PPP2R1B: variants seen among roughly 807,000 people sequenced by gnomAD.
The protein encoded by PPP2R1B is protein phosphatase 2 scaffold subunit Abeta.
A neutral mutation model predicts 72.7 loss-of-function variants in PPP2R1B; 58 were observed. That is an observed-to-expected ratio of 0.80 (90% CI 0.65 to 0.99). The LOEUF (loss-of-function observed/expected upper bound fraction) is 0.99, where lower values mean the gene tolerates loss of function less well. Ranked by LOEUF, PPP2R1B falls within the 50% of genes least tolerant of loss-of-function variation. The pLI, the probability that PPP2R1B is intolerant of heterozygous loss-of-function variation, is 0.00. For synonymous variants in PPP2R1B, 256 were observed against 264.6 expected, an observed-to-expected ratio of 0.97 and a Z score of 0.32; for missense variants, 695 against 733.6, an observed-to-expected ratio of 0.95 and a Z score of 0.61.
Position 111,760,328 on chromosome 11 carries a change from G to A in PPP2R1B, c.540-377C>T, listed in dbSNP as rs530645149. 2.3e-4 allele frequency among the ~76,000 whole-genome samples: 35 copies of A among 152,092 alleles called. No homozygotes were observed. The South Asian group carries it at 6.4e-3, about 28-fold the overall frequency. Reference sequence around the variant, plus strand: ...CTTCTGAGTAGCTAGAAATACAGGCGGGTCCCACCATGCCCAGCTAATTTT... The same window carrying A: ...CTTCTGAGTAGCTAGAAATACAGGCAGGTCCCACCATGCCCAGCTAATTTT... On this transcript the variant is annotated intron_variant, in intron 4 of 14. Coordinates refer to ENST00000527614, the MANE Select transcript of PPP2R1B (RefSeq NM_002716.5).
At position 111,727,037 on chromosome 11, in the gene PPP2R1B, AC is replaced by A. The variant is rs368255114; in HGVS notation, c.1931del (p.Arg644LeufsTer16). On this transcript the variant is annotated frameshift_variant, in exon 16 of 16. Transcript: ENST00000311129. LOFTEE classifies it high-confidence loss of function. ...GGGCAAGTGTGTCTCTAGTATCTCC[AC>A]GCAACTGATACACTGGTCCCTGTAA... 364 of 1,614,080 alleles carry A rather than the reference AC, an allele frequency of 2.3e-4. 1 individual carries two copies. The East Asian group carries it at 6.2e-3, about 28-fold the overall frequency.
intron 15 of PPP2R1B, chr11:111,729,261 A>C (rs1944099704): frequency 6.6e-6 from 1 of 152,342 alleles, no homozygotes; most frequent in African/African-American, 2.4e-5. Flanking sequence ...ACTCAGGCAC[A>C]CACTGGGGCA....
In PPP2R1B at chr11:111,738,757, C is replaced by G. The variant is rs1186710551; in HGVS notation, c.*2839G>C. The stretch of plus-strand genomic sequence containing the variant: ...TCAGGTTCACATCTTCTTGGTAGCA[C>G]AGAGAGAGAAACAAGACCTGGTCTC... On this transcript the variant is annotated 3_prime_UTR_variant, in exon 15 of 15. Coordinates refer to ENST00000527614, the MANE Select transcript of PPP2R1B (RefSeq NM_002716.5). 4.8e-5 allele frequency: 47 copies of G among 985,270 alleles called. No individual in the cohort carries two copies. The highest frequency in any genetic ancestry group is 5.3e-5 in the Non-Finnish European group (44 of 829,944). The allele number at this position is 985,270 out of a possible 1,614,324, so 61.0% of individuals were successfully genotyped here.
chr11:111,736,397 AAAG>A (rs1216435016), downstream of PPP2R1B, among the ~76,000 whole-genome samples: 1 of 152,132 alleles, frequency 6.6e-6, no homozygotes, highest in Non-Finnish European at 1.5e-5. Flanking sequence ...CTTTCTTCCC[AAAG>A]AAGTCTGTGG....
the PPP2R1B span, chr11:111,721,070 C>T: frequency 1.2e-6 from 2 of 1,605,990 alleles, no homozygotes; most frequent in East Asian, 4.5e-5. Context: ...CAGGTGGGTA[C>T]CTTGGGCCCT....
chr11:111,720,552 A>G, the PPP2R1B span: 12 of 1,614,070 alleles, frequency 7.4e-6, no homozygotes, highest in Non-Finnish European at 1.0e-5. Flanking sequence ...GTCTGTTCAG[A>G]GGGACCTGAA....
At position 111,746,580 on chromosome 11, in the gene PPP2R1B, A is replaced by G. The variant is rs1161519909; in HGVS notation, c.1399+1374T>C. 2.0e-5 allele frequency among the ~76,000 whole-genome samples: 3 copies of G among 152,322 alleles called. No homozygotes were observed. In the East Asian group the frequency reaches 5.8e-4, roughly 29 times the overall value. Reference sequence around the variant, plus strand: ...TAGATGCGGCAAACCACCATGGCACATGTATATCTATGTAACATAACAAAC... The same window carrying G: ...TAGATGCGGCAAACCACCATGGCACGTGTATATCTATGTAACATAACAAAC... On this transcript the variant is annotated intron_variant, in intron 11 of 14. Transcript: ENST00000527614.
chr11:111,697,956 G>A, the PPP2R1B span, among the ~76,000 whole-genome samples: 1 of 152,186 alleles, frequency 6.6e-6, no homozygotes, highest in Non-Finnish European at 1.5e-5. Context: ...GCTACAATGA[G>A]CTGTGATTCA....
At chr11:111,720,596 C>G in the PPP2R1B span, 1 of 1,614,068 alleles carries the variant, frequency 6.2e-7, no homozygotes, top group Non-Finnish European at 8.5e-7. Context: ...TTAAGGACAT[C>G]ATGTTAGCCA....
intron 11 of PPP2R1B, among the ~76,000 whole-genome samples, chr11:111,747,446 A>G (rs1944742134): frequency 6.6e-6 from 1 of 152,164 alleles, no homozygotes; most frequent in Non-Finnish European, 1.5e-5. Context: ...CCCAAACCAG[A>G]AATCCAGGCC....
At chr11:111,757,696 A>G (rs1555050126) in intron 5 of PPP2R1B, among the ~76,000 whole-genome samples, 1 of 152,038 alleles carries the variant, frequency 6.6e-6, no homozygotes, top group African/African-American at 2.4e-5. Context: ...TTAGCCAGTC[A>G]TGGTGGCAGG....
chr11:111,737,693 C>G, downstream of PPP2R1B: 15 of 1,512,910 alleles, frequency 9.9e-6, no homozygotes, highest in Non-Finnish European at 1.2e-5. Context: ...CCAGCAGCAG[C>G]CTACAAGTAT....
chr11:111,712,252 C>A, the PPP2R1B span: 1 of 1,614,124 alleles, frequency 6.2e-7, no homozygotes, highest in Non-Finnish European at 8.5e-7. Flanking sequence ...ATTCACCGAA[C>A]ATGAGGCTGC....
rs1944428435 is a variant in PPP2R1B, at chr11:111,738,944, C to G, written c.*2652G>C. On this transcript the variant is annotated 3_prime_UTR_variant, in exon 15 of 15. Coordinates refer to ENST00000527614, the MANE Select transcript of PPP2R1B (RefSeq NM_002716.5). ...TGTGTGTCTGCTTCATTTTTCTAAT[C>G]AAACAAACAACTGATGTAAGCTGCC... 1.0e-6 allele frequency: 1 copy of G among 977,146 alleles called. No individual in the cohort carries two copies. Among genetic ancestry groups the G allele is most frequent in the Non-Finnish European group, 1.2e-6 (1 of 827,722 alleles). The allele number at this position is 977,146 out of a possible 1,614,324, so 60.5% of individuals were successfully genotyped here.
At chr11:111,703,189 T>A in the PPP2R1B span, 2 of 1,612,342 alleles carry the variant, frequency 1.2e-6, no homozygotes, top group South Asian at 2.2e-5. Flanking sequence ...TTTGTAACAT[T>A]GTGTTTTCTA....
intron 10 of PPP2R1B, among the ~76,000 whole-genome samples, chr11:111,749,853 G>A (rs1944838345): frequency 6.6e-6 from 1 of 152,178 alleles, no homozygotes; most frequent in Non-Finnish European, 1.5e-5. Context: ...TCTCTATAGA[G>A]CTAGCAACCC....
chr11:111,752,122 A>T, intron 10 of PPP2R1B, 37 bp downstream of exon 10: 12 of 1,551,414 alleles, frequency 7.7e-6, no homozygotes, highest in Non-Finnish European at 1.0e-5. Context: ...TCACTATCTG[A>T]CACTACCCTG....
intron 1 of PPP2R1B, 77 bp downstream of exon 1, chr11:111,766,170 AC>A (rs1345843456): frequency 6.9e-7 from 1 of 1,442,178 alleles, no homozygotes; most frequent in African/African-American, 1.4e-5. Context: ...GGCCACCCCC[AC>A]CGCGACGCAG....
At chr11:111,706,627 T>A in the PPP2R1B span, among the ~76,000 whole-genome samples, 1 of 152,198 alleles carries the variant, frequency 6.6e-6, no homozygotes, top group Non-Finnish European at 1.5e-5. Context: ...TTGATTTTAG[T>A]AGATAAATGG....
Sources: gnomAD v4.1 joint callset for allele counts (sites outside exome capture counted in the v4.1 genomes callset) on GRCh38, gnomAD v4.1.1 for gene constraint, MANE v1.5 for transcripts, NCBI Gene and HGNC (gene_info 2026-07-23, HGNC 2026-07-21) for gene names.